RBFOX1: variants seen among roughly 807,000 people sequenced by gnomAD.
RBFOX1 encodes RNA binding protein fox-1 homolog 1.
A neutral mutation model predicts 57.7 loss-of-function variants in RBFOX1; 8 were observed. The observed-to-expected ratio is 0.14, with a 90% CI of 0.08 to 0.25. RBFOX1 has a LOEUF of 0.25. Ranked by LOEUF, RBFOX1 falls within the 10% of genes least tolerant of loss-of-function variation. The pLI is 1.00. For missense variants in RBFOX1, 611 were observed against 548.5 expected (o/e 1.11, Z -1.14); for synonymous variants, 326 against 222.4 (o/e 1.47, Z -4.15).
chr16:5,562,419 C>A, intron 2 of RBFOX1, among the ~76,000 whole-genome samples: 1 of 152,062 alleles, frequency 6.6e-6, no homozygotes, highest in Non-Finnish European at 1.5e-5. Context: ...TAGATCAGGG[C>A]TCTGAGGGCA....
chr16:6,655,464 A>G (rs958970142), intron 3 of RBFOX1, among the ~76,000 whole-genome samples: 2 of 149,958 alleles, frequency 1.3e-5, no homozygotes, highest in East Asian at 2.0e-4. Context: ...ACAGCGTCCT[A>G]TCTGAGATTA....
chr16:6,945,136 C>T (rs1428310729), intron 3 of RBFOX1, among the ~76,000 whole-genome samples: 2 of 152,142 alleles, frequency 1.3e-5, no homozygotes, highest in Admixed American at 6.5e-5. Context: ...GAGGTAGGGG[C>T]ACAGTACATA....
intron 3 of RBFOX1, among the ~76,000 whole-genome samples, chr16:6,990,674 G>A (rs967457066): frequency 2.0e-5 from 3 of 152,162 alleles, no homozygotes; most frequent in Admixed American, 6.5e-5. Flanking sequence ...GGCAAAAGCC[G>A]TGATCAGTTT....
At chr16:5,408,526 T>G (rs2066924408) in intron 1 of RBFOX1, among the ~76,000 whole-genome samples, 1 of 152,212 alleles carries the variant, frequency 6.6e-6, no homozygotes, top group Non-Finnish European at 1.5e-5. Flanking sequence ...GAGGGATCTC[T>G]CTTTCTCCTG....
chr16:7,486,295 T>C (rs2065374710), intron 4 of RBFOX1, among the ~76,000 whole-genome samples: 1 of 148,898 alleles, frequency 6.7e-6, no homozygotes, highest in African/African-American at 2.5e-5. Context: ...CCACGCCTGG[T>C]TCATTTTTGT....
chr16:5,741,896 T>C (rs947551722), intron 3 of RBFOX1, among the ~76,000 whole-genome samples: 20 of 152,244 alleles, frequency 1.3e-4, no homozygotes, highest in African/African-American at 4.8e-4. Flanking sequence ...AGCCAGACTT[T>C]TGCTAAATAC....
chr16:6,140,555 C>G (rs1052545661), intron 1 of RBFOX1, among the ~76,000 whole-genome samples: 2 of 152,082 alleles, frequency 1.3e-5, no homozygotes, highest in Admixed American at 6.6e-5. Context: ...ATTCACATTC[C>G]CAAGTATCCT....
chr16:6,930,334 A>G (rs776433828), intron 3 of RBFOX1, among the ~76,000 whole-genome samples: 4 of 152,148 alleles, frequency 2.6e-5, no homozygotes, highest in Non-Finnish European at 4.4e-5. Flanking sequence ...GATACCTAAC[A>G]TCACTAATCT....
At chr16:6,000,925 ATGGATGGGTGGT>A (rs2060588592) in intron 4 of RBFOX1, among the ~76,000 whole-genome samples, 2 of 147,556 alleles carry the variant, frequency 1.4e-5, no homozygotes, top group African/African-American at 2.5e-5. Flanking sequence ...AGGTATTTAG[ATGGATGGGTGGT>A]TGGATGGGTA....
At chr16:6,995,713 A>T (rs996417517) in intron 3 of RBFOX1, among the ~76,000 whole-genome samples, 1 of 151,618 alleles carries the variant, frequency 6.6e-6, no homozygotes, top group Admixed American at 6.6e-5. Flanking sequence ...GTGAGCCAAG[A>T]TCATGCCACC....
At chr16:7,401,619 T>A (rs1284682555) in intron 4 of RBFOX1, among the ~76,000 whole-genome samples, 1 of 152,232 alleles carries the variant, frequency 6.6e-6, no homozygotes, top group African/African-American at 2.4e-5. Flanking sequence ...AATAGGTAAA[T>A]GCATTGATTA....
chr16:7,089,153 A>AAT (rs1210642891), intron 4 of RBFOX1, among the ~76,000 whole-genome samples: 4 of 152,110 alleles, frequency 2.6e-5, no homozygotes, highest in African/African-American at 9.7e-5. Flanking sequence ...AGTTTTGCAC[A>AAT]ATTTAGTACA....
At chr16:6,524,280 A>G (rs2096548672) in intron 2 of RBFOX1, among the ~76,000 whole-genome samples, 1 of 152,314 alleles carries the variant, frequency 6.6e-6, no homozygotes. Context: ...TTCACTTAAC[A>G]CAATGATCTC....
chr16:7,499,620 G>A (rs945522818), intron 4 of RBFOX1, among the ~76,000 whole-genome samples: 7 of 152,242 alleles, frequency 4.6e-5, no homozygotes, highest in East Asian at 1.9e-4. Flanking sequence ...AGATAGACAC[G>A]TTAAAAATCA....
At chr16:6,737,487 G>GTTC (rs1218723897) in intron 3 of RBFOX1, among the ~76,000 whole-genome samples, 4 of 152,214 alleles carry the variant, frequency 2.6e-5, no homozygotes, top group Non-Finnish European at 5.9e-5. Context: ...GTCCAGTTCA[G>GTTC]ATGGCCAAAA....
Position 6,825,132 on chromosome 16 carries a change from G to A in RBFOX1, c.-16+170482G>A, listed in dbSNP as rs572492922. ...CTGCCTCAGCCTCCCAAGTAGCTAG[G>A]ATTAACAACCTCACTCAGCACCCTT... On this transcript the variant is annotated intron_variant, in intron 3 of 15. Transcript: ENST00000550418. Among the ~76,000 whole-genome samples, 109 of 150,980 alleles carry A rather than the reference G, an allele frequency of 7.2e-4. 1 individual carries two copies. The highest frequency in any genetic ancestry group is 1.4e-3 in the Non-Finnish European group (96 of 67,762).
intron 14 of RBFOX1, among the ~76,000 whole-genome samples, chr16:7,689,113 A>C (rs2076772489): frequency 6.6e-6 from 1 of 152,160 alleles, no homozygotes; most frequent in Non-Finnish European, 1.5e-5. Flanking sequence ...AAGAAAAATT[A>C]AATGAATACA....
intron 3 of RBFOX1, among the ~76,000 whole-genome samples, chr16:6,865,977 GA>G (rs1418142321): frequency 2.0e-5 from 3 of 151,850 alleles, no homozygotes; most frequent in East Asian, 3.9e-4. Context: ...GAAATGCATT[GA>G]AAAAAACAAT....
chr16:7,466,159 A>T (rs2150737584), intron 4 of RBFOX1, among the ~76,000 whole-genome samples: 1 of 152,298 alleles, frequency 6.6e-6, no homozygotes, highest in South Asian at 2.1e-4. Context: ...CAGCAATAGG[A>T]TTCAACTGCC....
Sources: allele counts gnomAD v4.1 joint callset (sites outside exome capture counted in the v4.1 genomes callset), GRCh38; gene constraint gnomAD v4.1.1; transcripts MANE v1.5; gene names NCBI Gene and HGNC (gene_info 2026-07-23, HGNC 2026-07-21).